The following MLLT3 variants were observed in gnomAD, a reference collection of about 807,000 sequenced individuals.
MLLT3 encodes the protein MLLT3 super elongation complex subunit.
Under a neutral mutation model 53.2 loss-of-function variants are expected in MLLT3, and 4 were observed. That is an observed-to-expected ratio of 0.08 (90% CI 0.04 to 0.17). The LOEUF (loss-of-function observed/expected upper bound fraction) is 0.17, where lower values mean the gene tolerates loss of function less well. MLLT3 is among the 10% of genes least tolerant of loss of function. The probability of loss-of-function intolerance (pLI) is 1.00; values close to 1 mark genes in which losing one functional copy is unlikely to be tolerated. For missense variants in MLLT3, 569 were observed against 684.0 expected, an observed-to-expected ratio of 0.83 and a Z score of 1.87; for synonymous variants, 283 against 230.6, an observed-to-expected ratio of 1.23 and a Z score of -2.06.
chr9:20,514,640 T>C (rs546702334), intron 2 of MLLT3, among the ~76,000 whole-genome samples: 1 of 152,204 alleles, frequency 6.6e-6, no homozygotes, highest in Admixed American at 6.5e-5. Flanking sequence ...TTGATCTAGC[T>C]GCCAGCCTTT....
chr9:20,621,711 C>T lies in MLLT3; in HGVS notation c.12+534G>A. On this transcript the variant is annotated intron_variant, in intron 1 of 10. Transcript: ENST00000380338. This position sits in a 1 kb window ranked among gnomAD's most constrained non-coding sequence, Gnocchi z 7.0. ...CCCGGCGCTGGGGCAAAGTTGCGTGCGGCCCCGCCGCTGTCAGCCCCGCAC... is the reference window on the plus strand; with the variant it reads ...CCCGGCGCTGGGGCAAAGTTGCGTGTGGCCCCGCCGCTGTCAGCCCCGCAC... 1.4e-6 allele frequency: 2 copies of T among 1,460,792 alleles called. No individual in the cohort carries two copies. Among genetic ancestry groups the T allele is most frequent in the Admixed American group, 2.3e-5 (1 of 43,750 alleles). The allele number at this position is 1,460,792 out of a possible 1,614,324, so 90.5% of individuals were successfully genotyped here.
Position 20,484,909 on chromosome 9 carries a change from A to G in MLLT3, c.194-28123T>C, listed in dbSNP as rs576153325. Among the ~76,000 whole-genome samples, 8 of 152,310 alleles carry G rather than the reference A, an allele frequency of 5.3e-5. No homozygotes were observed. The East Asian group carries it at 1.5e-3, about 29-fold the overall frequency. ...TATTTTCAAAAGATAAGGAGTATGTATGGTAAAGGTCTTTGAAAATATGAA... is the reference window on the plus strand; with the variant it reads ...TATTTTCAAAAGATAAGGAGTATGTGTGGTAAAGGTCTTTGAAAATATGAA... On this transcript the variant is annotated intron_variant, in intron 2 of 10. Coordinates refer to ENST00000380338, the MANE Select transcript of MLLT3 (RefSeq NM_004529.4).
intron 2 of MLLT3, among the ~76,000 whole-genome samples, chr9:20,594,892 C>G (rs1820216807): frequency 6.6e-6 from 1 of 152,136 alleles, no homozygotes. Flanking sequence ...ATTGCCCAGC[C>G]CCTTCCCATA....
At chr9:20,565,992 ATATTTATT>A (rs1394867305) in intron 2 of MLLT3, among the ~76,000 whole-genome samples, 35 of 124,804 alleles carry the variant, frequency 2.8e-4, no homozygotes, top group African/African-American at 1.0e-3. Context: ...ATTTATTTAT[ATATTTATT>A]TATATATATA....
intron 5 of MLLT3, among the ~76,000 whole-genome samples, chr9:20,370,846 A>G (rs970984531): frequency 2.6e-5 from 4 of 152,154 alleles, no homozygotes; most frequent in Non-Finnish European, 5.9e-5. Context: ...ATAAATGATT[A>G]GGCTTAGTGA....
At chr9:20,477,737 C>G (rs1398137164) in intron 2 of MLLT3, among the ~76,000 whole-genome samples, 1 of 152,046 alleles carries the variant, frequency 6.6e-6, no homozygotes, top group Non-Finnish European at 1.5e-5. Context: ...CAGGGAGATA[C>G]AGAGAGGGTG....
intron 6 of MLLT3, 24 bp from the exon 7 acceptor site, chr9:20,363,629 G>A (rs1317903857): frequency 8.1e-6 from 13 of 1,610,248 alleles, no homozygotes; most frequent in African/African-American, 5.3e-5. Flanking sequence ...ATGAACCACA[G>A]GCAATCAAAC....
chr9:20,537,257 A>C (rs1416008518), intron 2 of MLLT3, among the ~76,000 whole-genome samples: 2 of 152,268 alleles, frequency 1.3e-5, no homozygotes, highest in Non-Finnish European at 2.9e-5. Context: ...ATCAATGCAT[A>C]CTACATACAG....
intron 2 of MLLT3, among the ~76,000 whole-genome samples, chr9:20,545,217 C>T (rs1818755594): frequency 6.7e-6 from 1 of 149,874 alleles, no homozygotes; most frequent in South Asian, 2.1e-4. Context: ...TATATACATA[C>T]AGTGGAATGT....
chr9:20,385,802 C>T (rs926954316), intron 5 of MLLT3, among the ~76,000 whole-genome samples: 52 of 152,072 alleles, frequency 3.4e-4, no homozygotes, highest in Non-Finnish European at 5.7e-4. Context: ...AATTATATAC[C>T]ACTAATTGAC....
chr9:20,406,076 C>T (rs764533805), intron 5 of MLLT3, among the ~76,000 whole-genome samples: 45 of 151,968 alleles, frequency 3.0e-4, no homozygotes, highest in Non-Finnish European at 6.2e-4. Flanking sequence ...TGCACCACTA[C>T]ACTCCAGCCT....
intron 2 of MLLT3, among the ~76,000 whole-genome samples, chr9:20,599,038 G>A (rs1045140615): frequency 6.6e-6 from 1 of 152,164 alleles, no homozygotes. Context: ...AGGCGCGGTG[G>A]CTCACGCCTG....
intron 5 of MLLT3, among the ~76,000 whole-genome samples, chr9:20,367,728 CT>C (rs1156287369): frequency 6.6e-6 from 1 of 152,094 alleles, no homozygotes; most frequent in African/African-American, 2.4e-5. Context: ...TTGTGGTTTC[CT>C]GTGTATAGAA....
intron 3 of MLLT3, among the ~76,000 whole-genome samples, chr9:20,449,008 C>T (rs1293144934): frequency 6.6e-6 from 1 of 152,152 alleles, no homozygotes; most frequent in Non-Finnish European, 1.5e-5. Context: ...ACTACCTTCA[C>T]TGCCTACCTC....
At chr9:20,536,851 A>G (rs1818502027) in intron 2 of MLLT3, among the ~76,000 whole-genome samples, 5 of 136,762 alleles carry the variant, frequency 3.7e-5, no homozygotes, top group Middle Eastern at 3.7e-3. Flanking sequence ...GTTTAACTAG[A>G]AAAAAAAAAA....
intron 2 of MLLT3, among the ~76,000 whole-genome samples, chr9:20,530,095 C>T (rs1279253042): frequency 2.6e-5 from 4 of 152,132 alleles, no homozygotes; most frequent in African/African-American, 9.7e-5. Context: ...TACACGTCAA[C>T]AGTTGGGCAT....
chr9:20,363,436 AC>A (rs748239551), intron 7 of MLLT3, 39 bp downstream of exon 7: 1 of 1,609,808 alleles, frequency 6.2e-7, no homozygotes, highest in South Asian at 1.1e-5. Flanking sequence ...AAAGAGTCTG[AC>A]TTCATCACAG....
At chr9:20,554,772 C>T (rs1298976134) in intron 2 of MLLT3, among the ~76,000 whole-genome samples, 1 of 152,122 alleles carries the variant, frequency 6.6e-6, no homozygotes, top group Middle Eastern at 3.2e-3. Flanking sequence ...CTTGTTTGTT[C>T]CGAAACCTGG....
At chr9:20,480,252 C>T (rs1335287213) in intron 2 of MLLT3, among the ~76,000 whole-genome samples, 1 of 152,192 alleles carries the variant, frequency 6.6e-6, no homozygotes, top group Non-Finnish European at 1.5e-5. Context: ...CTGTAAACTA[C>T]AAACTTGTTG....
Sources: gnomAD v4.1 joint callset for allele counts (sites outside exome capture counted in the v4.1 genomes callset) on GRCh38, gnomAD v4.1.1 for gene constraint, Gnocchi (gnomAD v3.1) non-coding constraint, MANE v1.5 for transcripts, NCBI Gene and HGNC (gene_info 2026-07-23, HGNC 2026-07-21) for gene names.